Variants in CATSPERB observed in about 807,000 individuals in gnomAD.
CATSPERB encodes cation channel sperm-associated auxiliary subunit beta.
In CATSPERB, 93 loss-of-function variants were observed where a neutral mutation model predicts 128.3. The observed-to-expected ratio is 0.72, with a 90% confidence interval of 0.61 to 0.86. The LOEUF (loss-of-function observed/expected upper bound fraction) is 0.86, where lower values mean the gene tolerates loss of function less well. CATSPERB is among the 40% of genes least tolerant of loss of function. CATSPERB has a pLI of 0.00. For missense variants in CATSPERB, 1,153 were observed against 1,329.5 expected (o/e 0.87, Z 2.06); for synonymous variants, 381 against 448.8 (o/e 0.85, Z 1.91).
At chr14:91,605,766 A>AC (rs1466873312) in intron 22 of CATSPERB, among the ~76,000 whole-genome samples, 2 of 151,914 alleles carry the variant, frequency 1.3e-5, no homozygotes, top group Non-Finnish European at 2.9e-5. Context: ...TGTTTGGTTA[A>AC]CCCCTATCCA....
At chr14:91,688,931 T>C (rs1404182432) in intron 10 of CATSPERB, among the ~76,000 whole-genome samples, 1 of 152,212 alleles carries the variant, frequency 6.6e-6, no homozygotes, top group Non-Finnish European at 1.5e-5. Context: ...CTAGTTTTAT[T>C]CTAATGATCT....
chr14:91,604,460 G>A (rs1893663556), intron 22 of CATSPERB: 1 of 1,505,644 alleles, frequency 6.6e-7, no homozygotes, highest in South Asian at 1.1e-5. Context: ...CACAGCTTGT[G>A]GAGTACTAAA....
chr14:91,664,756 T>C (rs1037539724), intron 14 of CATSPERB, among the ~76,000 whole-genome samples: 10 of 152,238 alleles, frequency 6.6e-5, no homozygotes, highest in Middle Eastern at 6.3e-3. Flanking sequence ...CAAGAGTTGT[T>C]CCAATTCCTT....
Position 91,598,738 on chromosome 14 carries a change from G to T in CATSPERB, c.2710-6736C>A, listed in dbSNP as rs973027377. ...CCAGGCGTGGTGGCAGGCGCTTGTAGTCCCAGCTACTTGGGAGGCTGAGGC... is the reference window on the plus strand; with the variant it reads ...CCAGGCGTGGTGGCAGGCGCTTGTATTCCCAGCTACTTGGGAGGCTGAGGC... On this transcript the variant is annotated intron_variant, in intron 22 of 26. Transcript: ENST00000256343. Among the ~76,000 whole-genome samples the T allele has an allele frequency of 2.0e-5, 3 of 151,162 alleles. No individual in the cohort carries two copies. The East Asian group carries it at 5.9e-4, about 30-fold the overall frequency.
chr14:91,604,920 G>T, intron 22 of CATSPERB: 1 of 1,222,882 alleles, frequency 8.2e-7, no homozygotes, highest in South Asian at 1.2e-5. Flanking sequence ...TTGTAGCTGA[G>T]GTTCAGGATG....
chr14:91,650,247 T>C (rs1263480793), intron 15 of CATSPERB, among the ~76,000 whole-genome samples: 1 of 152,226 alleles, frequency 6.6e-6, no homozygotes, highest in East Asian at 1.9e-4. Context: ...TCCTAGATCA[T>C]TGGTGCAATA....
intron 13 of CATSPERB, 57 bp downstream of exon 13, chr14:91,672,810 G>A (rs1895121236): frequency 3.0e-6 from 4 of 1,349,702 alleles, no homozygotes; most frequent in Non-Finnish European, 2.9e-6. Flanking sequence ...CTTTTGCTAA[G>A]GTAAATTTTT....
At chr14:91,603,563 C>G (rs890750962) in intron 22 of CATSPERB, 10 of 683,604 alleles carry the variant, frequency 1.5e-5, no homozygotes, top group Non-Finnish European at 2.6e-5. Context: ...GCTCTAGAGC[C>G]TGAGAAGCGC....
chr14:91,696,396 C>A (rs1241001998), intron 7 of CATSPERB, among the ~76,000 whole-genome samples: 1 of 152,168 alleles, frequency 6.6e-6, no homozygotes, highest in Non-Finnish European at 1.5e-5. Context: ...CTGTTAAATG[C>A]TGCTGGAAAG....
At chr14:91,717,828 T>A (rs1895968092) in intron 5 of CATSPERB, among the ~76,000 whole-genome samples, 1 of 152,218 alleles carries the variant, frequency 6.6e-6, no homozygotes, top group African/African-American at 2.4e-5. Context: ...AAATATGATC[T>A]CCTTACCTCT....
At chr14:91,666,847 TG>T (rs1258398618) in intron 14 of CATSPERB, among the ~76,000 whole-genome samples, 2 of 152,200 alleles carry the variant, frequency 1.3e-5, no homozygotes, top group Non-Finnish European at 2.9e-5. Context: ...TCCCAGAGGA[TG>T]GGGAACCAAT....
At chr14:91,614,604 C>T (rs1458091104) in intron 20 of CATSPERB, among the ~76,000 whole-genome samples, 5 of 151,546 alleles carry the variant, frequency 3.3e-5, no homozygotes, top group Non-Finnish European at 7.4e-5. Context: ...ACCTTGAGAC[C>T]AGCCTGGGCA....
At chr14:91,683,745 G>T (rs10139470) in intron 11 of CATSPERB, 132 bp downstream of exon 11, 143,340 of 559,488 alleles carry the variant, frequency 0.26, 19,314 homozygotes, top group Non-Finnish European at 0.28. Flanking sequence ...CACCCCAAGT[G>T]CCCCTTTTTA....
At chr14:91,629,127 G>A (rs1894223341) in intron 17 of CATSPERB, among the ~76,000 whole-genome samples, 2 of 152,168 alleles carry the variant, frequency 1.3e-5, no homozygotes, top group Admixed American at 1.3e-4. Flanking sequence ...ATGTTCTTCA[G>A]TAGGTAAATG....
intron 7 of CATSPERB, among the ~76,000 whole-genome samples, chr14:91,695,853 G>A (rs544439103): frequency 2.0e-5 from 3 of 152,330 alleles, no homozygotes; most frequent in African/African-American, 7.2e-5. Flanking sequence ...AGAGAAGTGA[G>A]GTGGTCACAT....
chr14:91,601,664 A>C (rs1893609734), intron 22 of CATSPERB, among the ~76,000 whole-genome samples: 1 of 152,126 alleles, frequency 6.6e-6, no homozygotes, highest in African/African-American at 2.4e-5. Flanking sequence ...GGGAAAAATA[A>C]ATTTTTTTTG....
chr14:91,594,940 C>T (rs1304661610), intron 22 of CATSPERB, among the ~76,000 whole-genome samples: 2 of 151,414 alleles, frequency 1.3e-5, no homozygotes, highest in African/African-American at 2.4e-5. Context: ...TTCAGTGACT[C>T]CAAATAAAGA....
At chr14:91,646,715 C>G (rs898365276) in intron 15 of CATSPERB, among the ~76,000 whole-genome samples, 2 of 152,246 alleles carry the variant, frequency 1.3e-5, no homozygotes, top group African/African-American at 4.8e-5. Flanking sequence ...CCTCTCCAAT[C>G]TCACACTTTT....
chr14:91,647,076 G>A (rs1005735505), intron 15 of CATSPERB, among the ~76,000 whole-genome samples: 2 of 152,172 alleles, frequency 1.3e-5, no homozygotes, highest in Admixed American at 1.3e-4. Flanking sequence ...AAAATTAGCT[G>A]GGTGTGGTGG....
Sources: allele counts gnomAD v4.1 joint callset (sites outside exome capture counted in the v4.1 genomes callset), GRCh38; gene constraint gnomAD v4.1.1; transcripts MANE v1.5; gene names NCBI Gene and HGNC (gene_info 2026-07-23, HGNC 2026-07-21).